Variants in KIF1B observed in about 807,000 individuals in gnomAD.
KIF1B encodes the protein kinesin family member 1B.
Under a neutral mutation model 241.9 loss-of-function variants are expected in KIF1B, and 76 were observed. The ratio of observed to expected loss-of-function variants is 0.31; its 90% CI spans 0.26 to 0.38. The LOEUF is 0.38. Among genes scored for constraint, KIF1B ranks in the 10% least tolerant of loss-of-function variants. KIF1B has a pLI of 1.00. For missense variants in KIF1B, 1,622 were observed against 2,271.4 expected (o/e 0.71, Z 5.81); for synonymous variants, 750 against 796.7 (o/e 0.94, Z 0.99).
intron 2 of KIF1B, among the ~76,000 whole-genome samples, chr1:10,252,193 C>T (rs1647488922): frequency 2.6e-5 from 4 of 152,062 alleles, no homozygotes; most frequent in Admixed American, 2.6e-4. Flanking sequence ...GTGCGTGCCA[C>T]CATGCCTCGC....
intron 2 of KIF1B, among the ~76,000 whole-genome samples, chr1:10,239,453 C>T (rs1162776900): frequency 6.6e-6 from 1 of 151,854 alleles, no homozygotes; most frequent in African/African-American, 2.4e-5. Flanking sequence ...TTTTTCTATA[C>T]AACTTTTGAA....
intron 2 of KIF1B, among the ~76,000 whole-genome samples, chr1:10,249,925 T>G (rs967885295): frequency 1.3e-5 from 2 of 152,110 alleles, no homozygotes; most frequent in African/African-American, 4.8e-5. Flanking sequence ...GAAACAGAAT[T>G]CTTACATTGT....
At chr1:10,327,219 G>T (rs958284221) in intron 27 of KIF1B, among the ~76,000 whole-genome samples, 1 of 152,004 alleles carries the variant, frequency 6.6e-6, no homozygotes, top group African/African-American at 2.4e-5. Context: ...ACAAAAATTA[G>T]GCTGGGTGTG....
chr1:10,324,118 C>CTTCAAA, intron 25 of KIF1B, 56 bp downstream of exon 25: 1 of 1,535,940 alleles, frequency 6.5e-7, no homozygotes, highest in Non-Finnish European at 9.0e-7. Context: ...CAATGACCTG[C>CTTCAAA]TCAAGTGAGC....
chr1:10,361,638 C>G lies in KIF1B; in HGVS notation c.4171-54C>G, dbSNP rs560601209. Reference sequence around the variant, plus strand: ...TTCCAAATACGTTCGTGTATAGACTCTAGTCACAGTACTCTGCCTGCACTT... The same window carrying G: ...TTCCAAATACGTTCGTGTATAGACTGTAGTCACAGTACTCTGCCTGCACTT... On this transcript the variant is annotated intron_variant, in intron 39 of 48. Transcript: ENST00000676179. The G allele has an allele frequency of 4.0e-5, 64 of 1,607,902 alleles. No homozygotes were observed. In the Admixed American group the frequency reaches 9.3e-4, roughly 23 times the overall value.
At chr1:10,221,136 C>G (rs1049916697) in intron 1 of KIF1B, among the ~76,000 whole-genome samples, 19 of 117,990 alleles carry the variant, frequency 1.6e-4, no homozygotes, top group Non-Finnish European at 2.1e-4. Flanking sequence ...CTCGCTCTGT[C>G]ACTGAGGCTG....
intron 22 of KIF1B, among the ~76,000 whole-genome samples, chr1:10,316,653 A>G (rs1651318312): frequency 1.3e-5 from 2 of 151,346 alleles, no homozygotes; most frequent in African/African-American, 2.5e-5. Flanking sequence ...GGTGTGTGCC[A>G]TCACACCTGG....
intron 14 of KIF1B, among the ~76,000 whole-genome samples, chr1:10,281,034 CTT>C (rs958463172): frequency 6.6e-6 from 1 of 152,114 alleles, no homozygotes; most frequent in Non-Finnish European, 1.5e-5. Context: ...AAAGATGCCT[CTT>C]TGCTTGTTGC....
At chr1:10,223,254 A>AAAAAC (rs967994290) in intron 1 of KIF1B, among the ~76,000 whole-genome samples, 4 of 152,208 alleles carry the variant, frequency 2.6e-5, no homozygotes, top group African/African-American at 4.8e-5. Flanking sequence ...ACTCTGTCTC[A>AAAAAC]AAAACAAAAC....
At position 10,296,855 on chromosome 1, in the gene KIF1B, A is replaced by T. The variant is rs759123432; in HGVS notation, c.1862-42A>T. 23 of 1,562,748 alleles carry T rather than the reference A, an allele frequency of 1.5e-5. No individual in the cohort carries two copies. The Admixed American group carries it at 2.7e-4, about 18-fold the overall frequency. On this transcript the variant is annotated intron_variant, in intron 20 of 48. Coordinates refer to ENST00000676179, the MANE Select transcript of KIF1B (RefSeq NM_001365951.3). ...GGTTGTTAAATAGATACTATATATT[A>T]AAAAAATTATTTCTTAACCCTATTT...
At chr1:10,257,309 CAAA>C (rs70997215) in intron 3 of KIF1B, among the ~76,000 whole-genome samples, 4 of 138,854 alleles carry the variant, frequency 2.9e-5, no homozygotes, top group Admixed American at 7.3e-5. Flanking sequence ...CTAAAAATTC[CAAA>C]AAAAAAAAAA....
In KIF1B at chr1:10,263,011, C is replaced by T. The variant is rs921579573; in HGVS notation, c.429+1041C>T. ...TCTGTTTTGTATGTGCTTAAAGAAGCTGTTTTGGGGCTCATACCTGTAATC... is the reference window on the plus strand; with the variant it reads ...TCTGTTTTGTATGTGCTTAAAGAAGTTGTTTTGGGGCTCATACCTGTAATC... On this transcript the variant is annotated intron_variant, in intron 5 of 48. Transcript: ENST00000676179. 2.0e-5 allele frequency among the ~76,000 whole-genome samples: 3 copies of T among 152,068 alleles called. No homozygotes were observed. Among genetic ancestry groups the T allele is most frequent in the Non-Finnish European group, 4.4e-5 (3 of 68,006 alleles).
chr1:10,361,560 T>C lies in KIF1B; in HGVS notation c.4171-132T>C, dbSNP rs1569898821. On this transcript the variant is annotated intron_variant, in intron 39 of 48. Coordinates refer to ENST00000676179, the MANE Select transcript of KIF1B (RefSeq NM_001365951.3). ...GCACATATTATCCATTGGGTGGCTGTTGAAATAATTGGTGGAGCTAAAATC... is the reference window on the plus strand; with the variant it reads ...GCACATATTATCCATTGGGTGGCTGCTGAAATAATTGGTGGAGCTAAAATC... The C allele has an allele frequency of 9.7e-6, 10 of 1,031,420 alleles. No homozygotes were observed. In the South Asian group the frequency reaches 1.0e-4, roughly 11 times the overall value. The allele number at this position is 1,031,420 out of a possible 1,614,324, so 63.9% of individuals were successfully genotyped here. A position where few individuals can be genotyped will look rare whatever the true frequency, so the allele number is the denominator to read the frequency against.
At chr1:10,355,021 A>G (rs1176530348) in intron 38 of KIF1B, among the ~76,000 whole-genome samples, 1 of 152,170 alleles carries the variant, frequency 6.6e-6, no homozygotes, top group Non-Finnish European at 1.5e-5. Flanking sequence ...TCCCAGTCCT[A>G]CATTTATGTT....
chr1:10,212,252 T>C (rs1646702941), intron 1 of KIF1B, among the ~76,000 whole-genome samples: 1 of 152,220 alleles, frequency 6.6e-6, no homozygotes, highest in South Asian at 2.1e-4. Flanking sequence ...CTCCTTAGTT[T>C]AGTCATAACA....
At chr1:10,348,814 C>T (rs1652685320) in intron 37 of KIF1B, 81 bp downstream of exon 37, 1 of 1,019,684 alleles carries the variant, frequency 9.8e-7, no homozygotes, top group Admixed American at 2.0e-5. Flanking sequence ...CTTGCTCTGT[C>T]ACCCAGGCTG....
intron 1 of KIF1B, among the ~76,000 whole-genome samples, chr1:10,231,442 G>A (rs1056647042): frequency 1.4e-5 from 2 of 139,392 alleles, no homozygotes; most frequent in African/African-American, 5.5e-5. Flanking sequence ...CTGGAGGGCA[G>A]TGGTGGGATC....
chr1:10,367,461 T>C (rs1287189475), intron 43 of KIF1B, among the ~76,000 whole-genome samples: 1 of 151,796 alleles, frequency 6.6e-6, no homozygotes, highest in Non-Finnish European at 1.5e-5. Flanking sequence ...CCCAGCACTT[T>C]GGGAGGCTGA....
At position 10,267,481 on chromosome 1, in the gene KIF1B, T is replaced by C. The variant is rs769619599; in HGVS notation, c.531T>C (p.Tyr177=). Residue 177 remains tyrosine, a synonymous_variant, in exon 6 of 49, where the codon TAT becomes TAC. Coordinates refer to ENST00000676179, the MANE Select transcript of KIF1B (RefSeq NM_001365951.3). ...GTGAACACCCACTTCTTGGACCCTATGTGGAGGATCTGTCCAAGTTGGCAG... is the reference window on the plus strand; with the variant it reads ...GTGAACACCCACTTCTTGGACCCTACGTGGAGGATCTGTCCAAGTTGGCAG... ...RVREHPLLGP[Y]VEDLSKLAVT... 2.5e-6 allele frequency: 4 copies of C among 1,614,220 alleles called. No homozygotes were observed. Among genetic ancestry groups the C allele is most frequent in the South Asian group, 2.2e-5 (2 of 91,088 alleles).
Sources: gnomAD v4.1 joint callset for allele counts (sites outside exome capture counted in the v4.1 genomes callset) on GRCh38, gnomAD v4.1.1 for gene constraint, MANE v1.5 for transcripts, NCBI Gene and HGNC (gene_info 2026-07-23, HGNC 2026-07-21) for gene names.